PCGF6: variants seen among roughly 807,000 people sequenced by gnomAD.
The protein encoded by PCGF6 is polycomb group RING finger protein 6.
In PCGF6, 24 loss-of-function variants were observed where a neutral mutation model predicts 45.5. The observed-to-expected ratio is 0.53, with a 90% CI of 0.38 to 0.74. The LOEUF (loss-of-function observed/expected upper bound fraction) is 0.74. Among genes scored for constraint, PCGF6 ranks in the 30% least tolerant of loss-of-function variants. The probability of loss-of-function intolerance (pLI) is 0.00; values close to 1 mark genes in which losing one functional copy is unlikely to be tolerated. For synonymous variants in PCGF6, 152 were observed against 162.1 expected (o/e 0.94, Z 0.47); for missense variants, 356 against 443.2 (o/e 0.80, Z 1.77).
chr10:103,310,794 C>A (rs1265483981), intron 9 of PCGF6, among the ~76,000 whole-genome samples: 5 of 152,058 alleles, frequency 3.3e-5, no homozygotes, highest in Non-Finnish European at 7.4e-5. Flanking sequence ...CTCAACCTCT[C>A]GGGTCAATCA....
rs540400254 is a variant in PCGF6 at position 103,310,189 on chromosome 10, T to C, written c.996+3997A>G. On this transcript the variant is annotated intron_variant, in intron 9 of 9. Coordinates refer to ENST00000369847, the MANE Select transcript of PCGF6 (RefSeq NM_001011663.2). ...CTGGTCTTGAACTCCTGACCTTAGG[T>C]GATCCCCCCACCTCGGCCTCTCAAA... Among the ~76,000 whole-genome samples the C allele has an allele frequency of 1.4e-4, 21 of 151,066 alleles. No homozygotes were observed. In the South Asian group the frequency reaches 4.4e-3, roughly 32 times the overall value.
intron 8 of PCGF6, among the ~76,000 whole-genome samples, chr10:103,323,362 T>C (rs2093204801): frequency 6.6e-6 from 1 of 152,132 alleles, no homozygotes; most frequent in South Asian, 2.1e-4. Flanking sequence ...AGTGGCGCCA[T>C]CTCGGCTCAC....
chr10:103,310,093 G>C (rs549042844), intron 9 of PCGF6, among the ~76,000 whole-genome samples: 34 of 151,780 alleles, frequency 2.2e-4, no homozygotes, highest in Non-Finnish European at 4.3e-4. Context: ...TGGGATTACA[G>C]GCACCCGCCA....
chr10:103,345,058 C>A lies in PCGF6; in HGVS notation c.748G>T (p.Glu250Ter). Reference sequence around the variant, plus strand: ...TCCAGTAATAAAGACATATCAAGTTCAGGTGGAATACGAAACACTGATTCT... The same window carrying A: ...TCCAGTAATAAAGACATATCAAGTTAAGGTGGAATACGAAACACTGATTCT... ...VLESVFRIPP[E>*]LDMSLLLEFI... is the part of the protein sequence containing the mutation. Residue 250 changes from glutamate (E) to a stop codon, truncating the protein, a stop_gained, in exon 6 of 10, where the codon GAA (glutamate) becomes TAA (stop). Transcript: ENST00000369847. LOFTEE classifies it high-confidence loss of function. 1 of 1,612,198 alleles carries A rather than the reference C, an allele frequency of 6.2e-7. No individual in the cohort carries two copies. The highest frequency in any genetic ancestry group is 1.1e-5 in the South Asian group (1 of 90,790).
chr10:103,320,690 C>CA (rs879816277), intron 8 of PCGF6, among the ~76,000 whole-genome samples: 3,554 of 142,380 alleles, frequency 0.025, 110 homozygotes, highest in African/African-American at 0.079. Context: ...AACTTTGTCT[C>CA]AAAAAAAAAA....
At chr10:103,345,002 G>C (rs769240846) in intron 6 of PCGF6, 22 bp downstream of exon 6, 3 of 1,475,268 alleles carry the variant, frequency 2.0e-6, no homozygotes, top group Non-Finnish European at 2.8e-6. Flanking sequence ...TAAGTTAAAA[G>C]GTAAATTTTT....
chr10:103,335,013 T>A (rs1345053587), intron 6 of PCGF6, among the ~76,000 whole-genome samples: 1 of 152,160 alleles, frequency 6.6e-6, no homozygotes, highest in South Asian at 2.1e-4. Context: ...TTGTGAAGAT[T>A]AGACAAGTTC....
intron 5 of PCGF6, among the ~76,000 whole-genome samples, chr10:103,346,283 G>C (rs556405482): frequency 6.6e-6 from 1 of 151,466 alleles, no homozygotes; most frequent in African/African-American, 2.4e-5. Context: ...CCTGAGGTCA[G>C]GAGTTCAAGA....
chr10:103,347,556 A>G, intron 3 of PCGF6, 106 bp from the exon 4 acceptor site: 1 of 860,684 alleles, frequency 1.2e-6, no homozygotes, highest in South Asian at 1.6e-5. Flanking sequence ...CTTTTTTCTC[A>G]GAGGTGAGTT....
chr10:103,332,148 A>C (rs1298109561), intron 7 of PCGF6, among the ~76,000 whole-genome samples: 1 of 152,166 alleles, frequency 6.6e-6, no homozygotes, highest in African/African-American at 2.4e-5. Context: ...ATCTAGAAGC[A>C]TAGTCACCTT....
intron 5 of PCGF6, among the ~76,000 whole-genome samples, chr10:103,346,790 G>A (rs112141020): frequency 3.9e-5 from 6 of 152,114 alleles, no homozygotes; most frequent in African/African-American, 1.2e-4. Flanking sequence ...GCAAAACTCC[G>A]TCTCAAAATA....
chr10:103,320,708 T>C (rs2093194155), intron 8 of PCGF6, among the ~76,000 whole-genome samples: 1 of 152,118 alleles, frequency 6.6e-6, no homozygotes, highest in Non-Finnish European at 1.5e-5. Context: ...AAAAGATCTG[T>C]ATTTTTTAAA....
intron 8 of PCGF6, among the ~76,000 whole-genome samples, chr10:103,319,792 C>T (rs546756141): frequency 6.6e-6 from 1 of 152,166 alleles, no homozygotes; most frequent in East Asian, 1.9e-4. Context: ...ATATCATACA[C>T]CAAATAAGTA....
chr10:103,323,873 C>T (rs773630626), intron 8 of PCGF6, among the ~76,000 whole-genome samples: 18 of 152,174 alleles, frequency 1.2e-4, no homozygotes, highest in Non-Finnish European at 2.4e-4. Flanking sequence ...GCATGAGCCA[C>T]TACACATGGC....
chr10:103,326,614 C>T lies in PCGF6; in HGVS notation c.829G>A (p.Val277Ile), dbSNP rs1392642412. ...GHFKPLEKKF[V>I]RVSGEATIGH... is the part of the protein sequence containing the mutation. ...ATAGTTGCTTCTCCTGAAACTCGAACAAACTTCTTTTCCAATGGCTACAAA... is the reference window on the plus strand; with the variant it reads ...ATAGTTGCTTCTCCTGAAACTCGAATAAACTTCTTTTCCAATGGCTACAAA... Residue 277 changes from valine (V) to isoleucine (I), a missense_variant, in exon 8 of 10, where the codon GTT becomes ATT. Physicochemically the swap from Val to Ile is conservative, Grantham distance 29. Coordinates refer to ENST00000369847, the MANE Select transcript of PCGF6 (RefSeq NM_001011663.2). The T allele has an allele frequency of 2.5e-6, 4 of 1,608,960 alleles. No individual in the cohort carries two copies. In the East Asian group the frequency reaches 8.9e-5, roughly 36 times the overall value.
chr10:103,322,763 G>A (rs527329987), intron 8 of PCGF6, among the ~76,000 whole-genome samples: 90 of 151,948 alleles, frequency 5.9e-4, no homozygotes, highest in African/African-American at 2.1e-3. Context: ...GGTAGAGACC[G>A]CAGTGAGTCA....
chr10:103,315,843 G>GTA (rs1174775404), intron 8 of PCGF6, among the ~76,000 whole-genome samples: 1 of 151,994 alleles, frequency 6.6e-6, no homozygotes, highest in Non-Finnish European at 1.5e-5. Flanking sequence ...GAATATTGTT[G>GTA]TATATATACA....
intron 1 of PCGF6, 60 bp from the exon 2 acceptor site, chr10:103,349,059 T>C: frequency 6.8e-7 from 1 of 1,465,942 alleles, no homozygotes; most frequent in Non-Finnish European, 9.4e-7. Context: ...AATTCTTTTT[T>C]TTTTTTTGAG....
At chr10:103,309,680 C>T (rs2093149678) in intron 9 of PCGF6, among the ~76,000 whole-genome samples, 1 of 152,066 alleles carries the variant, frequency 6.6e-6, no homozygotes, top group Admixed American at 6.6e-5. Context: ...CCTATAATCC[C>T]AGCACTTTGG....
Sources: gnomAD v4.1 joint callset for allele counts (sites outside exome capture counted in the v4.1 genomes callset) on GRCh38, gnomAD v4.1.1 for gene constraint, MANE v1.5 for transcripts, NCBI Gene and HGNC (gene_info 2026-07-23, HGNC 2026-07-21) for gene names.